The following SREK1IP1 variants were observed in gnomAD, a reference collection of about 807,000 sequenced individuals.
The protein encoded by SREK1IP1 is protein SREK1IP1.
In SREK1IP1, 12 loss-of-function variants were observed where a neutral mutation model predicts 22.8. The ratio of observed to expected loss-of-function variants is 0.53; its 90% CI spans 0.34 to 0.85. SREK1IP1 has a LOEUF of 0.85. Among genes scored for constraint, SREK1IP1 ranks in the 40% least tolerant of loss-of-function variants. The pLI, the probability that SREK1IP1 is intolerant of heterozygous loss-of-function variation, is 0.02. For synonymous variants in SREK1IP1, 53 were observed against 52.7 expected, an observed-to-expected ratio of 1.01 and a Z score of -0.02; for missense variants, 147 against 171.8, an observed-to-expected ratio of 0.86 and a Z score of 0.81.
chr5:64,749,806 C>T (rs1742709621), intron 2 of SREK1IP1, among the ~76,000 whole-genome samples: 1 of 152,102 alleles, frequency 6.6e-6, no homozygotes, highest in South Asian at 2.1e-4. Flanking sequence ...CTGATCATTG[C>T]CCCTTTCCTA....
intron 2 of SREK1IP1, among the ~76,000 whole-genome samples, chr5:64,747,183 A>G (rs943544733): frequency 2.6e-5 from 4 of 152,178 alleles, no homozygotes; most frequent in Non-Finnish European, 4.4e-5. Flanking sequence ...CCCATTAGAT[A>G]GGCGTGATTG....
intron 2 of SREK1IP1, among the ~76,000 whole-genome samples, chr5:64,745,056 C>T (rs960817436): frequency 2.0e-5 from 3 of 152,206 alleles, no homozygotes; most frequent in Non-Finnish European, 4.4e-5. Context: ...CACTCCACAG[C>T]TCTTAAACAC....
chr5:64,725,604 C>A (rs561856133), intron 4 of SREK1IP1, among the ~76,000 whole-genome samples: 1 of 152,134 alleles, frequency 6.6e-6, no homozygotes, highest in South Asian at 2.1e-4. Flanking sequence ...CCGAGTTTTC[C>A]CTTATTTTTG....
chr5:64,731,871 G>A (rs1325131151), intron 3 of SREK1IP1, among the ~76,000 whole-genome samples: 7 of 152,150 alleles, frequency 4.6e-5, no homozygotes, highest in East Asian at 1.9e-4. Flanking sequence ...TTCCTTTCTG[G>A]TTGTGGTGCT....
Position 64,719,760 on chromosome 5 carries a change from G to A in SREK1IP1, c.*4624C>T, listed in dbSNP as rs755300870. 6.6e-6 allele frequency: 1 copy of A among 152,216 alleles called. No individual in the cohort carries two copies. The highest frequency in any genetic ancestry group is 1.5e-5 in the Non-Finnish European group (1 of 68,070). 9.4% of individuals were successfully genotyped at this position (152,216 alleles called of 1,614,324 possible). ...CATGACTGGATGCATCATGGGTTGT[G>A]CTATAGAAGAGGCACCCCAATTCTC... On this transcript the variant is annotated 3_prime_UTR_variant, in exon 5 of 5. Transcript: ENST00000513458.
At chr5:64,734,428 G>C (rs1742424575) in intron 3 of SREK1IP1, among the ~76,000 whole-genome samples, 1 of 151,652 alleles carries the variant, frequency 6.6e-6, no homozygotes, top group South Asian at 2.1e-4. Context: ...TTTATTTTTA[G>C]AGATAAGGTC....
intron 2 of SREK1IP1, among the ~76,000 whole-genome samples, chr5:64,745,542 T>C (rs1561387955): frequency 6.6e-6 from 1 of 151,998 alleles, no homozygotes; most frequent in Non-Finnish European, 1.5e-5. Flanking sequence ...TGAGCTGAGA[T>C]TGTGCCACTG....
In SREK1IP1 at chr5:64,759,941, C is replaced by G. The variant is rs944390241; in HGVS notation, c.14-5579G>C. On this transcript the variant is annotated intron_variant, in intron 1 of 4. Transcript: ENST00000513458. Reference sequence around the variant, plus strand: ...AGGCTGACAAAACCTGTCAGAATTACAAGTGTACATACCTCTCTGACACAA... The same window carrying G: ...AGGCTGACAAAACCTGTCAGAATTAGAAGTGTACATACCTCTCTGACACAA... Among the ~76,000 whole-genome samples the G allele has an allele frequency of 7.9e-5, 12 of 152,274 alleles. No homozygotes were observed. The East Asian group carries it at 2.1e-3, about 27-fold the overall frequency.
chr5:64,763,835 G>A (rs776073438), intron 1 of SREK1IP1, among the ~76,000 whole-genome samples: 1 of 152,184 alleles, frequency 6.6e-6, no homozygotes, highest in Non-Finnish European at 1.5e-5. Context: ...CACTTGCACT[G>A]TACTTTTACA....
chr5:64,754,427 G>T, intron 1 of SREK1IP1, 65 bp from the exon 2 acceptor site: 1 of 1,492,082 alleles, frequency 6.7e-7, no homozygotes, highest in Non-Finnish European at 9.2e-7. Flanking sequence ...AAACTTTATT[G>T]TATGAAAAAA....
chr5:64,731,355 G>GA (rs1207192839), intron 3 of SREK1IP1, among the ~76,000 whole-genome samples: 27 of 147,658 alleles, frequency 1.8e-4, no homozygotes, highest in Admixed American at 1.0e-3. Context: ...CTTTATAAAA[G>GA]AAAAAAAAAA....
intron 2 of SREK1IP1, among the ~76,000 whole-genome samples, chr5:64,741,924 GCA>G (rs10559949): frequency 0.067 from 10,091 of 150,706 alleles, 1,090 homozygotes; most frequent in African/African-American, 0.23. Flanking sequence ...ATGCCTGTGC[GCA>G]CACACACACA....
At chr5:64,750,222 A>G (rs1351125900) in intron 2 of SREK1IP1, among the ~76,000 whole-genome samples, 2 of 152,088 alleles carry the variant, frequency 1.3e-5, no homozygotes, top group Admixed American at 1.3e-4. Flanking sequence ...TTAAACTCCA[A>G]TATTAAACTC....
At position 64,724,237 on chromosome 5, in the gene SREK1IP1, G is replaced by A. The variant is rs1213744155; in HGVS notation, c.*147C>T. The A allele has an allele frequency of 1.9e-5, 12 of 647,482 alleles. No homozygotes were observed. Among genetic ancestry groups the A allele is most frequent in the Non-Finnish European group, 2.6e-6 (1 of 387,206 alleles). The allele number at this position is 647,482 out of a possible 1,614,324, so 40.1% of individuals were successfully genotyped here. A position where few individuals can be genotyped will look rare whatever the true frequency, so the allele number is the denominator to read the frequency against. On this transcript the variant is annotated 3_prime_UTR_variant, in exon 5 of 5. Coordinates refer to ENST00000513458, the MANE Select transcript of SREK1IP1 (RefSeq NM_173829.4). Reference sequence around the variant, plus strand: ...ACAGCACATTAAAAATATATTGCCAGAGGGATAATGGTCCCAAATACGAAA... The same window carrying A: ...ACAGCACATTAAAAATATATTGCCAAAGGGATAATGGTCCCAAATACGAAA...
chr5:64,739,731 G>A (rs1742522294), intron 3 of SREK1IP1, among the ~76,000 whole-genome samples: 1 of 151,974 alleles, frequency 6.6e-6, no homozygotes. Flanking sequence ...ACAAAAGTGT[G>A]TGTATTCAAT....
rs1248590889 is a variant in SREK1IP1 at position 64,723,560 on chromosome 5, T to C, written c.*824A>G. Reference sequence around the variant, plus strand: ...TCTTCCTAAATAAAAATTTCTGTGTTTGAGGTATCACTGTAAGACATGCCA... The same window carrying C: ...TCTTCCTAAATAAAAATTTCTGTGTCTGAGGTATCACTGTAAGACATGCCA... On this transcript the variant is annotated 3_prime_UTR_variant, in exon 5 of 5. Coordinates refer to ENST00000513458, the MANE Select transcript of SREK1IP1 (RefSeq NM_173829.4). 2 of 152,656 alleles carry C rather than the reference T, an allele frequency of 1.3e-5. No homozygotes were observed. Among genetic ancestry groups the C allele is most frequent in the African/African-American group, 4.8e-5 (2 of 41,468 alleles). The allele number at this position is 152,656 out of a possible 1,614,324, so 9.5% of individuals were successfully genotyped here.
At chr5:64,749,437 C>CTT (rs397729423) in intron 2 of SREK1IP1, among the ~76,000 whole-genome samples, 1 of 145,912 alleles carries the variant, frequency 6.9e-6, no homozygotes, top group Non-Finnish European at 1.5e-5. Context: ...TTCTTGAAGT[C>CTT]TTTTTTTTTT....
In SREK1IP1 at chr5:64,724,524, GTT is replaced by G. The variant is rs985117679; in HGVS notation, c.326_327del (p.Lys109ThrfsTer15). ...TTCTTTTCTTTCTTCTGATATTTTTGTTTCTTTTGTTTTGAAGTGTCCTCTTC... is the reference window on the plus strand; with the variant it reads ...TTCTTTTCTTTCTTCTGATATTTTTGTCTTTTGTTTTGAAGTGTCCTCTTC... ...STEEDTSKQK[K>X]QKYQKKEKKK... On this transcript the variant is annotated frameshift_variant, in exon 5 of 5. Coordinates refer to ENST00000513458, the MANE Select transcript of SREK1IP1 (RefSeq NM_173829.4). LOFTEE classifies it high-confidence loss of function. The G allele has an allele frequency of 6.5e-7, 1 of 1,543,026 alleles. No homozygotes were observed. Among genetic ancestry groups the G allele is most frequent in the Non-Finnish European group, 8.7e-7 (1 of 1,150,596 alleles).
intron 1 of SREK1IP1, among the ~76,000 whole-genome samples, chr5:64,765,892 A>G (rs983004566): frequency 1.3e-5 from 2 of 152,222 alleles, no homozygotes; most frequent in African/African-American, 2.4e-5. Flanking sequence ...ACAGGTGCCC[A>G]AAAGGCTTGC....
Sources: gnomAD v4.1 joint callset for allele counts (sites outside exome capture counted in the v4.1 genomes callset) on GRCh38, gnomAD v4.1.1 for gene constraint, MANE v1.5 for transcripts, NCBI Gene and HGNC (gene_info 2026-07-23, HGNC 2026-07-21) for gene names.